The following DYNC2H1 variants were observed in gnomAD, a reference collection of about 807,000 sequenced individuals.
DYNC2H1 encodes dynein cytoplasmic 2 heavy chain 1, also known as cytoplasmic dynein 2 heavy chain 1.
DYNC2H1 carries 410 observed loss-of-function variants against 570.0 expected under a neutral mutation model. The ratio of observed to expected loss-of-function variants is 0.72; its 90% CI spans 0.66 to 0.78. The LOEUF (loss-of-function observed/expected upper bound fraction) is 0.78. Among genes scored for constraint, DYNC2H1 ranks in the 30% least tolerant of loss-of-function variants. The pLI is 0.00. For missense variants in DYNC2H1, 4,865 were observed against 5,046.4 expected (o/e 0.96, Z 1.09); for synonymous variants, 1,688 against 1,677.6 (o/e 1.01, Z -0.15).
chr11:103,188,733 T>G (rs1862178551), intron 44 of DYNC2H1, 85 bp downstream of exon 44: 1 of 1,102,792 alleles, frequency 9.1e-7, no homozygotes, highest in Non-Finnish European at 1.2e-6. Context: ...ATGATAATAC[T>G]TTAAAATTTA....
At position 103,234,158 on chromosome 11, in the gene DYNC2H1, C is replaced by G. The variant is rs373924400; in HGVS notation, c.9565C>G (p.Gln3189Glu). 1 of 1,584,258 alleles carries G rather than the reference C, an allele frequency of 6.3e-7. No homozygotes were observed. Among genetic ancestry groups the G allele is most frequent in the Admixed American group, 1.8e-5 (1 of 55,950 alleles). Residue 3189 changes from glutamine (Q) to glutamate (E), a missense_variant and splice_region_variant, in exon 61 of 89, where the codon CAG (glutamine) becomes GAG (glutamate). Physicochemically the swap from Gln to Glu is conservative, Grantham distance 29 (BLOSUM62 2). Coordinates refer to ENST00000375735, the MANE Select transcript of DYNC2H1 (RefSeq NM_001377.3). ...CAGAGAACATAAGAGATGGAATGCA[C>G]AGGTTTGTTTGAGAGAGGGGCCATG... Reference protein sequence around the residue: ...LDREHKRWNAQVVEITEELAT... With the variant: ...LDREHKRWNAEVVEITEELAT...
At chr11:103,117,465 T>C (rs2513986) in intron 5 of DYNC2H1, among the ~76,000 whole-genome samples, 166 bp from the exon 6 acceptor site, 2 of 151,826 alleles carry the variant, frequency 1.3e-5, no homozygotes, top group Non-Finnish European at 2.9e-5. Flanking sequence ...ATTTTAAAAA[T>C]ATTTGTTACT....
At chr11:103,428,185 C>CT (rs35767159) in intron 84 of DYNC2H1, among the ~76,000 whole-genome samples, 18,566 of 134,584 alleles carry the variant, frequency 0.14, 1,589 homozygotes, top group Admixed American at 0.24. Flanking sequence ...ATAACATGAG[C>CT]TTTTTTTTTT....
chr11:103,163,107 G>A lies in DYNC2H1; in HGVS notation c.4571G>A (p.Ser1524Asn). 6.2e-7 allele frequency: 1 copy of A among 1,613,156 alleles called. No individual in the cohort carries two copies. The highest frequency in any genetic ancestry group is 8.5e-7 in the Non-Finnish European group (1 of 1,179,278). ...AAGGAATGTGTTACTACTGGGCGAA[G>A]TTCTCAAGGTGCAGTTGACCCATCT... Reference protein sequence around the residue: ...LLKECVTTGRSSQGAVDPSLF... With the variant: ...LLKECVTTGRNSQGAVDPSLF... The change falls in exon 30 of 89, where the codon AGT (serine) becomes AAT (asparagine). Residue 1524 changes from serine (S) to asparagine (N), a missense_variant. By Grantham distance (46) the Ser-to-Asn change is conservative. This residue lies in a region of DYNC2H1 where 1,936 missense variants were observed against 1,962.1 expected (regional missense o/e 0.99). Coordinates refer to ENST00000375735, the MANE Select transcript of DYNC2H1 (RefSeq NM_001377.3). The surrounding 1 kb of genome is among the most constrained non-coding windows in gnomAD (Gnocchi z 4.6).
In DYNC2H1 at chr11:103,223,063, A is replaced by C; in HGVS notation, c.9330A>C (p.Glu3110Asp). The C allele has an allele frequency of 6.2e-7, 1 of 1,612,860 alleles. No individual in the cohort carries two copies. The highest frequency in any genetic ancestry group is 1.1e-5 in the South Asian group (1 of 90,972). Reference protein sequence around the residue: ...SHVLERIHPLETEQAGLESNL... With the variant: ...SHVLERIHPLDTEQAGLESNL... The stretch of plus-strand genomic sequence containing the variant: ...TCTTGGAACGAATTCATCCTTTGGA[A>C]ACTGAACAGGCAGGATTAGAATCGT... The change falls in exon 59 of 89, where the codon GAA (glutamate) becomes GAC (aspartate). Residue 3110 changes from glutamate (E) to aspartate (D), a missense_variant. Glu to Asp is a conservative substitution (Grantham distance 45, BLOSUM62 2). Around this residue, in one of 5 missense-constraint regions of DYNC2H1, gnomAD observed 2,401 missense variants for 2,454.6 expected, o/e 0.98. Transcript: ENST00000375735.
intron 83 of DYNC2H1, among the ~76,000 whole-genome samples, chr11:103,373,749 T>G (rs1275877167): frequency 6.6e-6 from 1 of 152,198 alleles, no homozygotes; most frequent in Non-Finnish European, 1.5e-5. Context: ...TTATTTTTTG[T>G]CTAGATGATC....
chr11:103,198,351 T>C (rs1862582568), intron 48 of DYNC2H1, among the ~76,000 whole-genome samples: 1 of 152,264 alleles, frequency 6.6e-6, no homozygotes, highest in Non-Finnish European at 1.5e-5. Flanking sequence ...TGTCAAACTT[T>C]AGAGAGCATT....
chr11:103,283,785 T>C (rs1389803646), intron 73 of DYNC2H1, among the ~76,000 whole-genome samples: 1 of 152,126 alleles, frequency 6.6e-6, no homozygotes, highest in Non-Finnish European at 1.5e-5. Flanking sequence ...GTCTGGGCTT[T>C]TCACCACTAC....
At position 103,305,270 on chromosome 11, in the gene DYNC2H1, T is replaced by C. The variant is rs1867231652; in HGVS notation, c.11382+550T>C. Among the ~76,000 whole-genome samples the C allele has an allele frequency of 6.6e-6, 1 of 152,174 alleles. No individual in the cohort carries two copies. The highest frequency in any genetic ancestry group is 2.4e-5 in the African/African-American group (1 of 41,434). On this transcript the variant is annotated intron_variant, in intron 77 of 88. Transcript: ENST00000375735. This position sits in a 1 kb window ranked among gnomAD's most constrained non-coding sequence, Gnocchi z 4.3. The stretch of plus-strand genomic sequence containing the variant: ...GTAGTTAAAGATGATTCTGAAGAGA[T>C]ATTCCTTGAAAGTCAAATAGGATTT...
chr11:103,241,727 C>T lies in DYNC2H1; in HGVS notation c.9820-1966C>T, dbSNP rs11225624. ...CATTGTGCTTCGAGTAGTACATTTACGTGATGGAGCAGTAAGTGAAATCTC... is the reference window on the plus strand; with the variant it reads ...CATTGTGCTTCGAGTAGTACATTTATGTGATGGAGCAGTAAGTGAAATCTC... On this transcript the variant is annotated intron_variant, in intron 63 of 88. Coordinates refer to ENST00000375735, the MANE Select transcript of DYNC2H1 (RefSeq NM_001377.3). The surrounding 1 kb of genome is among the most constrained non-coding windows in gnomAD (Gnocchi z 5.1). Among the ~76,000 whole-genome samples the T allele has an allele frequency of 0.038, 5,806 of 152,164 alleles. 370 individuals carry two copies. The highest frequency in any genetic ancestry group is 0.13 in the African/African-American group (5,518 of 41,502).
chr11:103,327,608 A>T (rs1938562713), intron 82 of DYNC2H1, among the ~76,000 whole-genome samples: 1 of 152,190 alleles, frequency 6.6e-6, no homozygotes, highest in South Asian at 2.1e-4. Context: ...TGGATCAATT[A>T]TCTAATGAAG....
chr11:103,182,662 A>G (rs1861901380), intron 40 of DYNC2H1, among the ~76,000 whole-genome samples: 2 of 151,896 alleles, frequency 1.3e-5, no homozygotes, highest in African/African-American at 4.8e-5. Context: ...TTTAGCATGC[A>G]AAGAAGACCG....
chr11:103,419,467 C>T (rs1043502038), intron 84 of DYNC2H1, among the ~76,000 whole-genome samples: 1 of 151,964 alleles, frequency 6.6e-6, no homozygotes, highest in Non-Finnish European at 1.5e-5. Context: ...ACAGCCTTCA[C>T]TGGTGATGCC....
chr11:103,375,201 A>C (rs1941342533), intron 83 of DYNC2H1, among the ~76,000 whole-genome samples: 1 of 152,190 alleles, frequency 6.6e-6, no homozygotes, highest in African/African-American at 2.4e-5. Context: ...GGTGCACAGA[A>C]AACAAGAATT....
At chr11:103,426,524 T>C (rs1247726714) in intron 84 of DYNC2H1, among the ~76,000 whole-genome samples, 2 of 152,210 alleles carry the variant, frequency 1.3e-5, no homozygotes, top group Admixed American at 6.5e-5. Flanking sequence ...TTAGTTATAT[T>C]TTTATTTTAC....
intron 34 of DYNC2H1, 27 bp downstream of exon 34, chr11:103,171,095 A>G (rs770092540): frequency 6.6e-7 from 1 of 1,520,818 alleles, no homozygotes; most frequent in Non-Finnish European, 8.9e-7. Context: ...GAATTTAAAG[A>G]ATTAAAATAT....
At position 103,228,743 on chromosome 11, in the gene DYNC2H1, C is replaced by T. The variant is rs897489734; in HGVS notation, c.9354-2517C>T. On this transcript the variant is annotated intron_variant, in intron 59 of 88. Coordinates refer to ENST00000375735, the MANE Select transcript of DYNC2H1 (RefSeq NM_001377.3). The surrounding 1 kb of genome is among the most constrained non-coding windows in gnomAD (Gnocchi z 6.1). ...GGAGGATGCAAACTTGCCCTAGGGA[C>T]ACCTGGTTAACTCTTCAGGTTTCTC... is the stretch of plus-strand genomic sequence containing the variant. 1.3e-5 allele frequency among the ~76,000 whole-genome samples: 2 copies of T among 152,166 alleles called. No individual in the cohort carries two copies. Among genetic ancestry groups the T allele is most frequent in the Non-Finnish European group, 1.5e-5 (1 of 68,042 alleles).
rs1239132070 is a variant in DYNC2H1, at chr11:103,189,481, C to T, written c.7293-191C>T. Among the ~76,000 whole-genome samples, 6 of 152,004 alleles carry T rather than the reference C, an allele frequency of 3.9e-5. No individual in the cohort carries two copies. Among genetic ancestry groups the T allele is most frequent in the Admixed American group, 6.6e-5 (1 of 15,234 alleles). On this transcript the variant is annotated intron_variant, in intron 44 of 88. Coordinates refer to ENST00000375735, the MANE Select transcript of DYNC2H1 (RefSeq NM_001377.3). The surrounding 1 kb of genome is among the most constrained non-coding windows in gnomAD (Gnocchi z 4.3). ...TTCTGGTATTTGACAATAGATATTT[C>T]GGGATCGAATTTGGTTGAAATGAGA...
rs773467533 is a variant in DYNC2H1 at position 103,147,884 on chromosome 11, C to A, written c.2815C>A (p.Gln939Lys). The change falls in exon 19 of 89, where the codon CAG (glutamine) becomes AAG (lysine). Residue 939 changes from glutamine (Q) to lysine (K), a missense_variant. Around this residue, in one of 5 missense-constraint regions of DYNC2H1, gnomAD observed 1,936 missense variants for 1,962.1 expected, o/e 0.99. Transcript: ENST00000375735. Reference sequence around the variant, plus strand: ...TGTTCTTTCTTTGAAGAAGTCCATACAGGGTAAATACACATTTTAATTTTT... The same window carrying A: ...TGTTCTTTCTTTGAAGAAGTCCATAAAGGGTAAATACACATTTTAATTTTT... ...LLVLSLKKSI[Q>K]AHLHEIDTFV... 22 of 1,587,668 alleles carry A rather than the reference C, an allele frequency of 1.4e-5. No homozygotes were observed. Among genetic ancestry groups the A allele is most frequent in the Non-Finnish European group, 1.9e-5 (22 of 1,158,774 alleles).
Sources: allele counts gnomAD v4.1 joint callset (sites outside exome capture counted in the v4.1 genomes callset), GRCh38; gene constraint gnomAD v4.1.1; regional missense constraint gnomAD v4.1.1; non-coding constraint Gnocchi (gnomAD v3.1); transcripts MANE v1.5; gene names NCBI Gene and HGNC (gene_info 2026-07-23, HGNC 2026-07-21).